Variants in CEP128 observed in about 807,000 individuals in gnomAD.
The protein encoded by CEP128 is centrosomal protein 128kDa.
CEP128 carries 132 observed loss-of-function variants against 156.7 expected under a neutral mutation model. The ratio of observed to expected loss-of-function variants is 0.84; its 90% CI spans 0.73 to 0.97. The LOEUF (loss-of-function observed/expected upper bound fraction) is 0.97, where lower values mean the gene tolerates loss of function less well. Among genes scored for constraint, CEP128 ranks in the 50% least tolerant of loss-of-function variants. The pLI is 0.00. For missense variants in CEP128, 1,252 were observed against 1,281.9 expected, an observed-to-expected ratio of 0.98 and a Z score of 0.36; for synonymous variants, 469 against 448.9, an observed-to-expected ratio of 1.04 and a Z score of -0.57.
chr14:80,679,663 C>G (rs1332216307), intron 19 of CEP128, among the ~76,000 whole-genome samples: 1 of 152,158 alleles, frequency 6.6e-6, no homozygotes, highest in Non-Finnish European at 1.5e-5. Context: ...TGCCTTTTAC[C>G]TTATGATCTT....
At position 80,793,127 on chromosome 14, in the gene CEP128, C is replaced by A; in HGVS notation, c.1210-17G>T. 1 of 1,589,070 alleles carries A rather than the reference C, an allele frequency of 6.3e-7. No individual in the cohort carries two copies. The highest frequency in any genetic ancestry group is 8.6e-7 in the Non-Finnish European group (1 of 1,160,480). On this transcript the variant is annotated splice_polypyrimidine_tract_variant and intron_variant, in intron 13 of 24. Coordinates refer to ENST00000555265, the MANE Select transcript of CEP128 (RefSeq NM_152446.5). The stretch of plus-strand genomic sequence containing the variant: ...TGTTAAATTCTACGAATAAAGCATG[C>A]AAAACATTAGGAACAAATCCTTGTC...
intron 19 of CEP128, among the ~76,000 whole-genome samples, chr14:80,683,095 A>G (rs2139262341): frequency 6.6e-6 from 1 of 152,222 alleles, no homozygotes; most frequent in South Asian, 2.1e-4. Flanking sequence ...CCAGCTAACA[A>G]CTTCACAACA....
In CEP128 at chr14:80,684,210, G is replaced by C. The variant is rs1016421306; in HGVS notation, c.2806+58865C>G. On this transcript the variant is annotated intron_variant, in intron 19 of 24. Coordinates refer to ENST00000555265, the MANE Select transcript of CEP128 (RefSeq NM_152446.5). ...GTAGACCACTAACTAGATTAACAAA[G>C]GGGAAAAAAATAGAAGATGCAAATA... 6.6e-5 allele frequency among the ~76,000 whole-genome samples: 10 copies of C among 152,004 alleles called. No individual in the cohort carries two copies. The South Asian group carries it at 1.7e-3, about 25-fold the overall frequency.
chr14:80,589,437 T>C (rs1376548360), intron 19 of CEP128, among the ~76,000 whole-genome samples: 1 of 152,168 alleles, frequency 6.6e-6, no homozygotes, highest in Non-Finnish European at 1.5e-5. Flanking sequence ...CTATACATGG[T>C]ATATGGTATG....
chr14:80,866,561 A>T (rs542837259), intron 8 of CEP128, among the ~76,000 whole-genome samples: 1 of 152,192 alleles, frequency 6.6e-6, no homozygotes, highest in Admixed American at 6.5e-5. Flanking sequence ...AAAAGATACC[A>T]GCAGCAAAGC....
chr14:80,677,653 T>C (rs955555436), intron 19 of CEP128, among the ~76,000 whole-genome samples: 10 of 152,016 alleles, frequency 6.6e-5, no homozygotes, highest in South Asian at 2.1e-4. Context: ...TTAAGGAAGT[T>C]GTGAGTTAAA....
intron 24 of CEP128, among the ~76,000 whole-genome samples, chr14:80,498,696 A>C (rs1407391545): frequency 6.6e-6 from 1 of 152,188 alleles, no homozygotes; most frequent in East Asian, 1.9e-4. Flanking sequence ...GGTACCTTCT[A>C]TCATTTCACC....
chr14:80,811,758 G>C (rs1884555649), intron 13 of CEP128, among the ~76,000 whole-genome samples: 1 of 150,516 alleles, frequency 6.6e-6, no homozygotes, highest in Non-Finnish European at 1.5e-5. Flanking sequence ...ACAGGTAACA[G>C]TCCTTTGGTT....
intron 19 of CEP128, among the ~76,000 whole-genome samples, chr14:80,586,348 T>A (rs1476507965): frequency 2.6e-5 from 4 of 152,162 alleles, no homozygotes; most frequent in African/African-American, 9.7e-5. Context: ...ACTGATCTAA[T>A]CTAGTGTCCT....
downstream of CEP128, among the ~76,000 whole-genome samples, chr14:80,487,345 AC>A (rs1388996202): frequency 1.3e-5 from 2 of 152,204 alleles, no homozygotes; most frequent in Admixed American, 1.3e-4. Context: ...ATATATATGC[AC>A]CCAATACTGG....
chr14:80,631,973 C>T (rs1372154537), intron 19 of CEP128, among the ~76,000 whole-genome samples: 1 of 151,992 alleles, frequency 6.6e-6, no homozygotes, highest in East Asian at 1.9e-4. Context: ...AGAATCTGAA[C>T]TAAGGTTGAC....
chr14:80,821,355 C>G (rs1885159148), intron 13 of CEP128, among the ~76,000 whole-genome samples: 1 of 152,048 alleles, frequency 6.6e-6, no homozygotes, highest in Non-Finnish European at 1.5e-5. Context: ...GAATACCAAC[C>G]CTCTTTCAAT....
intron 19 of CEP128, among the ~76,000 whole-genome samples, chr14:80,613,561 G>A (rs1174940588): frequency 6.6e-6 from 1 of 151,484 alleles, no homozygotes; most frequent in Non-Finnish European, 1.5e-5. Context: ...CACCTGCCTC[G>A]GCCTCTCGAA....
At chr14:80,634,319 GACA>G (rs1894091739) in intron 19 of CEP128, among the ~76,000 whole-genome samples, 1 of 152,106 alleles carries the variant, frequency 6.6e-6, no homozygotes, top group Non-Finnish European at 1.5e-5. Flanking sequence ...TTTTCCTCTT[GACA>G]ACATTTTTTG....
chr14:80,661,443 T>A (rs1895399914), intron 19 of CEP128, among the ~76,000 whole-genome samples: 1 of 152,156 alleles, frequency 6.6e-6, no homozygotes, highest in Non-Finnish European at 1.5e-5. Flanking sequence ...AGGTAATGAA[T>A]CTTTTTAACT....
intron 9 of CEP128, among the ~76,000 whole-genome samples, chr14:80,858,946 GT>G (rs1887360965): frequency 6.6e-6 from 1 of 152,092 alleles, no homozygotes; most frequent in Non-Finnish European, 1.5e-5. Flanking sequence ...TACACTGTTG[GT>G]GGGACTGTAA....
chr14:80,799,357 T>C (rs1883689976), intron 13 of CEP128, among the ~76,000 whole-genome samples: 2 of 152,226 alleles, frequency 1.3e-5, no homozygotes, highest in South Asian at 4.1e-4. Flanking sequence ...AGGATGTATG[T>C]CACCTCAGGA....
chr14:80,596,283 A>G (rs1029901839), intron 19 of CEP128, among the ~76,000 whole-genome samples: 3 of 152,160 alleles, frequency 2.0e-5, no homozygotes, highest in Non-Finnish European at 4.4e-5. Context: ...TTATATCGTG[A>G]AAGTAAAAAT....
intron 21 of CEP128, among the ~76,000 whole-genome samples, chr14:80,546,443 A>G (rs1889989428): frequency 6.6e-6 from 1 of 152,186 alleles, no homozygotes; most frequent in Non-Finnish European, 1.5e-5. Context: ...TCTGGAACAA[A>G]CGTACTCTTC....
Sources: gnomAD v4.1 joint callset for allele counts (sites outside exome capture counted in the v4.1 genomes callset) on GRCh38, gnomAD v4.1.1 for gene constraint, MANE v1.5 for transcripts, NCBI Gene and HGNC (gene_info 2026-07-23, HGNC 2026-07-21) for gene names.